The following ASIC2 variants were observed in gnomAD, a reference collection of about 807,000 sequenced individuals.
The protein encoded by ASIC2 is acid-sensing ion channel 2.
A neutral mutation model predicts 57.3 loss-of-function variants in ASIC2; 25 were observed. That is an observed-to-expected ratio of 0.44 (90% CI 0.32 to 0.61). The LOEUF (loss-of-function observed/expected upper bound fraction) is 0.61, where lower values mean the gene tolerates loss of function less well. Ranked by LOEUF, ASIC2 falls within the 20% of genes least tolerant of loss-of-function variation. ASIC2 has a pLI of 0.06. For synonymous variants in ASIC2, 319 were observed against 307.5 expected (o/e 1.04, Z -0.39); for missense variants, 641 against 738.1 (o/e 0.87, Z 1.52).
chr17:33,496,603 G>GTTTTTTTT (rs61267122), intron 1 of ASIC2, among the ~76,000 whole-genome samples: 4 of 70,980 alleles, frequency 5.6e-5, no homozygotes, highest in Admixed American at 1.9e-4. Context: ...GTTATTGTAG[G>GTTTTTTTT]TTTTTTTTTT....
rs751445802 is a variant in ASIC2, at chr17:33,291,554, G to C, written c.562C>G (p.Leu188Val). The C allele has an allele frequency of 2.5e-6, 4 of 1,611,992 alleles. No homozygotes were observed. Among genetic ancestry groups the C allele is most frequent in the Non-Finnish European group, 2.5e-6 (3 of 1,179,482 alleles). The change falls in exon 1 of 10, where the codon CTG becomes GTG. Residue 188 changes from leucine to valine, a missense_variant. By Grantham distance (32) the Leu-to-Val change is conservative. Coordinates refer to ENST00000225823, the MANE Select transcript of ASIC2 (RefSeq NM_183377.2). ...DEPRRQWFRKLADFRLFLPPR... is the reference protein window; with the variant it reads ...DEPRRQWFRKVADFRLFLPPR... ...GGCAGGAAGAGGCGGAAGTCCGCCA[G>C]CTTGCGGAACCACTGGCGGCGCGGC... is the stretch of plus-strand genomic sequence containing the variant.
At chr17:33,696,021 C>T (rs189383114) in intron 1 of ASIC2, among the ~76,000 whole-genome samples, 18 of 152,246 alleles carry the variant, frequency 1.2e-4, no homozygotes, top group Non-Finnish European at 2.1e-4. Context: ...TTTATTTCAT[C>T]GTATGAGTAC....
At chr17:33,210,814 A>G (rs1907240283) in intron 1 of ASIC2, among the ~76,000 whole-genome samples, 1 of 152,126 alleles carries the variant, frequency 6.6e-6, no homozygotes, top group South Asian at 2.1e-4. Flanking sequence ...TCAAAAGAAA[A>G]CAGGCGTGGG....
chr17:33,329,942 T>C (rs1452914303), intron 1 of ASIC2, among the ~76,000 whole-genome samples: 2 of 152,148 alleles, frequency 1.3e-5, no homozygotes, highest in Non-Finnish European at 2.9e-5. Context: ...CGGGCTGTCC[T>C]CTCACCCCCT....
At position 33,628,463 on chromosome 17, in the gene ASIC2, T is replaced by A. The variant is rs529349436; in HGVS notation, c.556-516396A>T. 1.7e-4 allele frequency among the ~76,000 whole-genome samples: 26 copies of A among 151,522 alleles called. No homozygotes were observed. In the East Asian group the frequency reaches 3.3e-3, roughly 19 times the overall value. On this transcript the variant is annotated intron_variant, in intron 1 of 9. Transcript: ENST00000359872. ...CATGCCACCATGCCTGGCTAGTTTT[T>A]AAATTTTTTTTTTTGCAGAGATGAA...
intron 1 of ASIC2, among the ~76,000 whole-genome samples, chr17:33,698,560 C>A (rs1398934672): frequency 6.6e-6 from 1 of 152,166 alleles, no homozygotes; most frequent in African/African-American, 2.4e-5. Flanking sequence ...TCAGTAAAAG[C>A]AAAGGAGAGA....
intron 1 of ASIC2, among the ~76,000 whole-genome samples, chr17:33,179,297 T>C (rs1597618034): frequency 6.6e-6 from 1 of 152,128 alleles, no homozygotes; most frequent in Admixed American, 6.5e-5. Flanking sequence ...TTAGAGGACG[T>C]TTTGCAACTA....
At chr17:33,275,162 C>A (rs932725520) in intron 1 of ASIC2, among the ~76,000 whole-genome samples, 5 of 152,118 alleles carry the variant, frequency 3.3e-5, no homozygotes, top group Non-Finnish European at 2.9e-5. Flanking sequence ...CCTGTCCCTG[C>A]GGCACTCCTG....
chr17:33,035,418 A>G (rs565010231), intron 3 of ASIC2, among the ~76,000 whole-genome samples: 3 of 152,316 alleles, frequency 2.0e-5, no homozygotes, highest in African/African-American at 7.2e-5. Flanking sequence ...ATTTCAGATA[A>G]CTATTTTTGG....
intron 1 of ASIC2, among the ~76,000 whole-genome samples, chr17:33,341,849 G>A (rs1365426589): frequency 6.6e-6 from 1 of 152,190 alleles, no homozygotes; most frequent in Non-Finnish European, 1.5e-5. Flanking sequence ...GGAAGGTTGG[G>A]TTAAGTTGAA....
intron 2 of ASIC2, among the ~76,000 whole-genome samples, chr17:33,103,858 A>G (rs2141979844): frequency 6.6e-6 from 1 of 152,186 alleles, no homozygotes; most frequent in South Asian, 2.1e-4. Flanking sequence ...TGTAAGAGGG[A>G]TATTTGTATG....
intron 1 of ASIC2, among the ~76,000 whole-genome samples, chr17:33,640,351 C>A (rs1279912711): frequency 6.6e-6 from 1 of 152,146 alleles, no homozygotes; most frequent in African/African-American, 2.4e-5. Context: ...AATGCACACC[C>A]ACCTTTGCAT....
intron 1 of ASIC2, among the ~76,000 whole-genome samples, chr17:33,134,697 C>T (rs2092360873): frequency 6.6e-6 from 1 of 152,212 alleles, no homozygotes; most frequent in African/African-American, 2.4e-5. Flanking sequence ...GAGTAGAGAG[C>T]CCTCAACCTG....
rs545654099 is a variant in ASIC2 at position 33,243,732 on chromosome 17, GC to G, written c.708+47675del. On this transcript the variant is annotated intron_variant, in intron 1 of 9. Transcript: ENST00000225823. ...TGCTATGATCAAATACTCTTCTAGGGCTTTTTTTCACTTAAAAATACTTTTT... is the reference window on the plus strand; with the variant it reads ...TGCTATGATCAAATACTCTTCTAGGGTTTTTTTCACTTAAAAATACTTTTT... Among the ~76,000 whole-genome samples, 301 of 152,192 alleles carry G rather than the reference GC, an allele frequency of 2.0e-3. 1 individual carries two copies. The highest frequency in any genetic ancestry group is 6.6e-3 in the African/African-American group (275 of 41,506).
At chr17:33,328,423 T>C (rs1211744929) in intron 1 of ASIC2, among the ~76,000 whole-genome samples, 1 of 152,182 alleles carries the variant, frequency 6.6e-6, no homozygotes, top group Non-Finnish European at 1.5e-5. Context: ...GGGAGTTGGA[T>C]GATCCTCACA....
intron 1 of ASIC2, among the ~76,000 whole-genome samples, chr17:33,178,521 A>C (rs1905851765): frequency 6.6e-6 from 1 of 152,238 alleles, no homozygotes; most frequent in Non-Finnish European, 1.5e-5. Context: ...ATAAAACCAT[A>C]AAGTCCCTAT....
chr17:33,081,924 T>C (rs978197924), intron 3 of ASIC2, among the ~76,000 whole-genome samples: 8 of 152,168 alleles, frequency 5.3e-5, no homozygotes, highest in Non-Finnish European at 1.2e-4. Context: ...ACCTAAGTAT[T>C]CTTATTTGCC....
At chr17:33,729,568 T>C (rs774835266) in intron 1 of ASIC2, among the ~76,000 whole-genome samples, 6 of 152,346 alleles carry the variant, frequency 3.9e-5, no homozygotes, top group Non-Finnish European at 8.8e-5. Context: ...GTAACTGTTA[T>C]ACCCACAGAG....
At chr17:33,691,575 T>G (rs1428193694) in intron 1 of ASIC2, among the ~76,000 whole-genome samples, 4 of 152,256 alleles carry the variant, frequency 2.6e-5, no homozygotes, top group African/African-American at 9.6e-5. Flanking sequence ...GGTCTTTTTC[T>G]TGTTAATTTT....
Sources: allele counts gnomAD v4.1 joint callset (sites outside exome capture counted in the v4.1 genomes callset), GRCh38; gene constraint gnomAD v4.1.1; transcripts MANE v1.5; gene names NCBI Gene and HGNC (gene_info 2026-07-23, HGNC 2026-07-21).